The following NEMP2 variants were observed in gnomAD, a reference collection of about 807,000 sequenced individuals.
NEMP2 encodes UPF0571 transmembrane protein.
A neutral mutation model predicts 54.2 loss-of-function variants in NEMP2; 53 were observed. The ratio of observed to expected loss-of-function variants is 0.98; its 90% CI spans 0.78 to 1.23. The LOEUF is 1.23. Ranked by LOEUF, NEMP2 falls within the 50% of genes most tolerant of loss-of-function variation. The pLI, the probability that NEMP2 is intolerant of heterozygous loss-of-function variation, is 0.00. For missense variants in NEMP2, 455 were observed against 511.3 expected (o/e 0.89, Z 1.06); for synonymous variants, 197 against 190.3 (o/e 1.04, Z -0.29).
At chr2:190,604,121 G>A in the NEMP2 span, among the ~76,000 whole-genome samples, 3 of 152,178 alleles carry the variant, frequency 2.0e-5, no homozygotes, top group Non-Finnish European at 2.9e-5. The surrounding 1 kb of genome is among the most constrained non-coding windows in gnomAD (Gnocchi z 4.5). Flanking sequence ...AGCTAGGGAT[G>A]GTCTACGTGT....
At chr2:190,467,461 A>G in the NEMP2 span, among the ~76,000 whole-genome samples, 3 of 152,208 alleles carry the variant, frequency 2.0e-5, no homozygotes, top group African/African-American at 7.2e-5. This position sits in a 1 kb window ranked among gnomAD's most constrained non-coding sequence, Gnocchi z 5.5. Context: ...AAAAATACAA[A>G]AATTAGCCAG....
the NEMP2 span, among the ~76,000 whole-genome samples, chr2:190,496,532 C>A: frequency 6.6e-6 from 1 of 152,128 alleles, no homozygotes; most frequent in Non-Finnish European, 1.5e-5. The surrounding 1 kb of genome is among the most constrained non-coding windows in gnomAD (Gnocchi z 4.7). Flanking sequence ...CTTGTACATG[C>A]ATGTTTATAG....
chr2:190,482,264 G>T, the NEMP2 span, among the ~76,000 whole-genome samples: 4 of 152,116 alleles, frequency 2.6e-5, no homozygotes, highest in African/African-American at 7.2e-5. Context: ...AGCAAGAAAA[G>T]AAAACATTTA....
upstream of NEMP2, among the ~76,000 whole-genome samples, chr2:190,539,608 T>G (rs1171180700): frequency 2.0e-5 from 3 of 152,178 alleles, no homozygotes; most frequent in Non-Finnish European, 4.4e-5. The surrounding 1 kb of genome is among the most constrained non-coding windows in gnomAD (Gnocchi z 4.1). Flanking sequence ...CAGTGTTTTA[T>G]AGTTTACTTA....
the NEMP2 span, among the ~76,000 whole-genome samples, chr2:190,539,956 G>A: frequency 1.6e-3 from 245 of 152,214 alleles, no homozygotes; most frequent in Non-Finnish European, 2.8e-3. The surrounding 1 kb of genome is among the most constrained non-coding windows in gnomAD (Gnocchi z 4.1). Context: ...CCAGTATTAT[G>A]TTGGCTAAAA....
intron 1 of NEMP2, among the ~76,000 whole-genome samples, chr2:190,526,299 A>AC (rs1559166087): frequency 6.6e-6 from 1 of 152,132 alleles, no homozygotes; most frequent in Non-Finnish European, 1.5e-5. Flanking sequence ...AATCAGCCAA[A>AC]CCCAACAGGA....
the NEMP2 span, among the ~76,000 whole-genome samples, chr2:190,597,387 T>C: frequency 1.3e-4 from 19 of 151,934 alleles, no homozygotes; most frequent in Non-Finnish European, 2.2e-4. This position sits in a 1 kb window ranked among gnomAD's most constrained non-coding sequence, Gnocchi z 4.7. Context: ...TGAGTATAAA[T>C]ATAGTTTTTG....
chr2:190,629,263 C>A, the NEMP2 span, among the ~76,000 whole-genome samples: 4 of 152,172 alleles, frequency 2.6e-5, no homozygotes, highest in African/African-American at 9.7e-5. Context: ...ACACATTACA[C>A]AAGCGGTCTT....
chr2:190,488,794 G>A, the NEMP2 span: 6 of 1,589,400 alleles, frequency 3.8e-6, no homozygotes, highest in Non-Finnish European at 5.1e-6. The surrounding 1 kb of genome is among the most constrained non-coding windows in gnomAD (Gnocchi z 6.4). Context: ...TGCCATGATC[G>A]GAGGCGTGTT....
the NEMP2 span, among the ~76,000 whole-genome samples, chr2:190,617,879 T>A: frequency 6.6e-6 from 1 of 152,236 alleles, no homozygotes; most frequent in African/African-American, 2.4e-5. The surrounding 1 kb of genome is among the most constrained non-coding windows in gnomAD (Gnocchi z 5.0). Context: ...ATTTTTATGA[T>A]TCAATCTTGG....
chr2:190,578,386 G>A, the NEMP2 span, among the ~76,000 whole-genome samples: 44 of 152,294 alleles, frequency 2.9e-4, no homozygotes, highest in African/African-American at 1.0e-3. The surrounding 1 kb of genome is among the most constrained non-coding windows in gnomAD (Gnocchi z 4.4). Context: ...GCAGGCACAT[G>A]CAGGCTGATG....
At chr2:190,441,134 T>C in the NEMP2 span, among the ~76,000 whole-genome samples, 2 of 152,144 alleles carry the variant, frequency 1.3e-5, no homozygotes, top group Non-Finnish European at 2.9e-5. Context: ...TTTCTACCCA[T>C]CTCTTTGTGC....
the NEMP2 span, among the ~76,000 whole-genome samples, chr2:190,434,131 T>C: frequency 1.1e-4 from 16 of 145,436 alleles, no homozygotes; most frequent in Admixed American, 3.6e-4. The surrounding 1 kb of genome is among the most constrained non-coding windows in gnomAD (Gnocchi z 4.3). Flanking sequence ...TGCAGTGCCA[T>C]AATTACACCA....
At chr2:190,499,934 G>T, downstream of NEMP2, 1 of 1,596,674 alleles carries the variant, frequency 6.3e-7, no homozygotes, top group Admixed American at 1.7e-5. The surrounding 1 kb of genome is among the most constrained non-coding windows in gnomAD (Gnocchi z 6.0). Context: ...CATGTTTCCT[G>T]TCTTACTTGA....
the NEMP2 span, among the ~76,000 whole-genome samples, chr2:190,621,461 T>C: frequency 6.6e-6 from 1 of 152,228 alleles, no homozygotes; most frequent in Non-Finnish European, 1.5e-5. Context: ...AATGCCATTA[T>C]AGTGGCACAT....
At chr2:190,614,688 C>T in the NEMP2 span, among the ~76,000 whole-genome samples, 1 of 152,288 alleles carries the variant, frequency 6.6e-6, no homozygotes. This position sits in a 1 kb window ranked among gnomAD's most constrained non-coding sequence, Gnocchi z 5.7. Flanking sequence ...AAATTTTGAA[C>T]AACACAAGGG....
At chr2:190,448,345 G>A in the NEMP2 span, among the ~76,000 whole-genome samples, 2 of 152,200 alleles carry the variant, frequency 1.3e-5, no homozygotes, top group Non-Finnish European at 2.9e-5. Flanking sequence ...CATGCAGAAA[G>A]ATGTGTACAA....
the NEMP2 span, among the ~76,000 whole-genome samples, chr2:190,602,188 A>G: frequency 1.3e-5 from 2 of 152,198 alleles, no homozygotes; most frequent in Non-Finnish European, 2.9e-5. Context: ...AGACATAAAG[A>G]AAGATATTTA....
chr2:190,564,182 A>G, the NEMP2 span, among the ~76,000 whole-genome samples: 8 of 152,212 alleles, frequency 5.3e-5, no homozygotes, highest in African/African-American at 1.7e-4. The surrounding 1 kb of genome is among the most constrained non-coding windows in gnomAD (Gnocchi z 4.2). Flanking sequence ...TGAAGAGGAA[A>G]TATGTGTATA....
Sources: allele counts gnomAD v4.1 joint callset (sites outside exome capture counted in the v4.1 genomes callset), GRCh38; gene constraint gnomAD v4.1.1; non-coding constraint Gnocchi (gnomAD v3.1); transcripts MANE v1.5; gene names NCBI Gene and HGNC (gene_info 2026-07-23, HGNC 2026-07-21).